INTS14: variants seen among roughly 807,000 people sequenced by gnomAD.
INTS14 encodes integrator complex subunit 14, also known as UPF0464 protein C15orf44.
A neutral mutation model predicts 56.9 loss-of-function variants in INTS14; 27 were observed. The ratio of observed to expected loss-of-function variants is 0.47; its 90% CI spans 0.35 to 0.65. The LOEUF (loss-of-function observed/expected upper bound fraction) is 0.65. INTS14 is among the 30% of genes least tolerant of loss of function. INTS14 has a pLI of 0.00. For synonymous variants in INTS14, 207 were observed against 236.2 expected (o/e 0.88, Z 1.13); for missense variants, 517 against 632.2 (o/e 0.82, Z 1.95).
intron 1 of INTS14, among the ~76,000 whole-genome samples, chr15:65,609,541 A>C (rs1475552470): frequency 1.3e-5 from 2 of 152,226 alleles, no homozygotes; most frequent in Admixed American, 1.3e-4. Flanking sequence ...ACTGGCACAT[A>C]GTAGGTGCCC....
In INTS14 at chr15:65,579,631, A is replaced by G; in HGVS notation, c.1334T>C (p.Leu445Pro). 1 of 1,614,032 alleles carries G rather than the reference A, an allele frequency of 6.2e-7. No individual in the cohort carries two copies. The highest frequency in any genetic ancestry group is 1.7e-5 in the Admixed American group (1 of 60,030). The change falls in exon 12 of 12, where the codon CTA becomes CCA. Residue 445 changes from leucine (L) to proline (P), a missense_variant. Leu to Pro is a moderately conservative substitution (Grantham distance 98). Transcript: ENST00000313182. The stretch of plus-strand genomic sequence containing the variant: ...CAGCAGGTCCAGGAAACCAAAGGCT[A>G]GAGCGGCCTTTCGCAAACGGTTCAG... The part of the protein sequence containing the change: ...KELNRLRKAA[L>P]AFGFLDLLKG...
intron 10 of INTS14, among the ~76,000 whole-genome samples, chr15:65,582,822 T>C (rs1000860968): frequency 1.3e-5 from 2 of 152,060 alleles, no homozygotes; most frequent in Admixed American, 6.6e-5. Flanking sequence ...GATCATAATA[T>C]CCAGAATATA....
chr15:65,599,063 A>G lies in INTS14; in HGVS notation c.487-73T>C, dbSNP rs936898200. ...AGATTATTCTCAGCTCACCAAGGTC[A>G]AAGCCATTACGATAACATAGGCAAT... On this transcript the variant is annotated intron_variant, in intron 4 of 11. Transcript: ENST00000313182. 48 of 1,071,174 alleles carry G rather than the reference A, an allele frequency of 4.5e-5. 1 individual carries two copies. Among genetic ancestry groups the G allele is most frequent in the Admixed American group, 2.2e-5 (1 of 44,452 alleles). 66.4% of individuals were successfully genotyped at this position (1,071,174 alleles called of 1,614,324 possible). A position where few individuals can be genotyped will look rare whatever the true frequency, so the allele number is the denominator to read the frequency against.
intron 3 of INTS14, among the ~76,000 whole-genome samples, chr15:65,603,168 T>G (rs2141315703): frequency 6.6e-6 from 1 of 152,342 alleles, no homozygotes; most frequent in South Asian, 2.1e-4. Flanking sequence ...AAAAGCTTTT[T>G]TATTTCAGAA....
chr15:65,592,720 A>G (rs2073072828), intron 8 of INTS14, among the ~76,000 whole-genome samples: 1 of 152,154 alleles, frequency 6.6e-6, no homozygotes, highest in African/African-American at 2.4e-5. Context: ...CACATAATAA[A>G]ATGCTCAATG....
intron 11 of INTS14, among the ~76,000 whole-genome samples, chr15:65,581,243 G>A (rs1302563690): frequency 6.6e-6 from 1 of 150,942 alleles, no homozygotes; most frequent in Non-Finnish European, 1.5e-5. Context: ...AGCCGGGCAT[G>A]GTGGCACACA....
chr15:65,607,414 GCAAA>G lies in INTS14; in HGVS notation c.-38_-35del. On this transcript the variant is annotated 5_prime_UTR_variant, in exon 2 of 12. Coordinates refer to ENST00000313182, the MANE Select transcript of INTS14 (RefSeq NM_001394796.1). The stretch of plus-strand genomic sequence containing the variant: ...TGATCCCAGTGTTCCCAATCAGAAT[GCAAA>G]CAGACAGCTATAAACGAAGAAATGC... 1.9e-6 allele frequency: 3 copies of G among 1,612,524 alleles called. No homozygotes were observed. Among genetic ancestry groups the G allele is most frequent in the Admixed American group, 3.3e-5 (2 of 59,862 alleles).
Position 65,579,643 on chromosome 15 carries a change from C to T in INTS14, c.1322G>A (p.Arg441Gln), listed in dbSNP as rs147457039. The change falls in exon 12 of 12, where the codon CGA becomes CAA. Residue 441 changes from arginine to glutamine, a missense_variant. Transcript: ENST00000313182. ...GAAACCAAAGGCTAGAGCGGCCTTTCGCAAACGGTTCAGCTCCTGAAACAA... is the reference window on the plus strand; with the variant it reads ...GAAACCAAAGGCTAGAGCGGCCTTTTGCAAACGGTTCAGCTCCTGAAACAA... The part of the protein sequence containing the change: ...QTFYKELNRL[R>Q]KAALAFGFLD... 802 of 1,613,784 alleles carry T rather than the reference C, an allele frequency of 5.0e-4. No homozygotes were observed. Among genetic ancestry groups the T allele is most frequent in the Non-Finnish European group, 6.4e-4 (757 of 1,179,738 alleles).
At chr15:65,597,824 G>C (rs1221369058) in intron 6 of INTS14, among the ~76,000 whole-genome samples, 3 of 152,150 alleles carry the variant, frequency 2.0e-5, no homozygotes, top group African/African-American at 7.2e-5. Flanking sequence ...ATACGGCTAT[G>C]ATTTCCAACT....
intron 1 of INTS14, among the ~76,000 whole-genome samples, chr15:65,610,444 C>T (rs980108726): frequency 2.6e-5 from 4 of 151,940 alleles, no homozygotes; most frequent in Non-Finnish European, 5.9e-5. Flanking sequence ...GATTCTGAGC[C>T]CCCAAGTCTC....
intron 11 of INTS14, 80 bp from the exon 12 acceptor site, chr15:65,579,739 G>C: frequency 6.6e-7 from 1 of 1,515,440 alleles, no homozygotes; most frequent in Non-Finnish European, 8.9e-7. Context: ...CTTAGCATAA[G>C]TTCTCCTTGA....
chr15:65,579,354 C>G lies in INTS14; in HGVS notation c.*54G>C. 6.3e-7 allele frequency: 1 copy of G among 1,583,294 alleles called. No homozygotes were observed. The highest frequency in any genetic ancestry group is 8.6e-7 in the Non-Finnish European group (1 of 1,161,138). On this transcript the variant is annotated 3_prime_UTR_variant, in exon 12 of 12. Coordinates refer to ENST00000313182, the MANE Select transcript of INTS14 (RefSeq NM_001394796.1). ...GGTGAACATACTGGAAAGGTTTTTA[C>G]CTAAAGCATTTTCAGTTGAAATGAA...
At chr15:65,581,771 T>G (rs946722337) in intron 11 of INTS14, among the ~76,000 whole-genome samples, 183 bp downstream of exon 11, 9 of 151,808 alleles carry the variant, frequency 5.9e-5, no homozygotes, top group Non-Finnish European at 1.0e-4. Flanking sequence ...ATTAGGCCAT[T>G]TAAATTCTTC....
At chr15:65,600,136 C>T (rs2073375093) in intron 3 of INTS14, among the ~76,000 whole-genome samples, 1 of 151,574 alleles carries the variant, frequency 6.6e-6, no homozygotes, top group Admixed American at 6.6e-5. Flanking sequence ...GAGACCCCAT[C>T]TCTAAAAAAA....
intron 11 of INTS14, 56 bp from the exon 12 acceptor site, chr15:65,579,715 T>G (rs2141237684): frequency 6.4e-7 from 1 of 1,569,000 alleles, no homozygotes; most frequent in Non-Finnish European, 8.7e-7. Context: ...AACACATACT[T>G]TCTAAGTGCT....
In INTS14 at chr15:65,584,816, C is replaced by A; in HGVS notation, c.1193G>T (p.Ser398Ile). Reference sequence around the variant, plus strand: ...CCAGACAGTCACATTCTGGGCATAACTGCGTTTGTTTTTGGGCTGCAGGGG... The same window carrying A: ...CCAGACAGTCACATTCTGGGCATAAATGCGTTTGTTTTTGGGCTGCAGGGG... ...PFPLQPKNKR[S>I]YAQNVTVWIK... The change falls in exon 10 of 12, where the codon AGT (serine) becomes ATT (isoleucine). Residue 398 changes from serine to isoleucine, a missense_variant. Physicochemically the swap from Ser to Ile is moderately radical, Grantham distance 142. Coordinates refer to ENST00000313182, the MANE Select transcript of INTS14 (RefSeq NM_001394796.1). 2 of 1,613,564 alleles carry A rather than the reference C, an allele frequency of 1.2e-6. No homozygotes were observed. The highest frequency in any genetic ancestry group is 1.7e-6 in the Non-Finnish European group (2 of 1,179,762).
intron 1 of INTS14, among the ~76,000 whole-genome samples, chr15:65,608,855 G>A (rs1353369881): frequency 6.6e-6 from 1 of 152,136 alleles, no homozygotes; most frequent in Non-Finnish European, 1.5e-5. Flanking sequence ...GTTTAAGGAT[G>A]GTGCCCAGCT....
At chr15:65,601,956 C>CT (rs374508779) in intron 3 of INTS14, among the ~76,000 whole-genome samples, 23 of 152,320 alleles carry the variant, frequency 1.5e-4, no homozygotes, top group African/African-American at 5.3e-4. Context: ...TGGCTGACAG[C>CT]TGTAATCCCA....
chr15:65,610,816 A>C, intron 1 of INTS14: 1 of 1,534,120 alleles, frequency 6.5e-7, no homozygotes, highest in Non-Finnish European at 8.7e-7. Context: ...AGTCAAGAAA[A>C]TGTGGGATCT....
Sources: allele counts gnomAD v4.1 joint callset (sites outside exome capture counted in the v4.1 genomes callset), GRCh38; gene constraint gnomAD v4.1.1; transcripts MANE v1.5; gene names NCBI Gene and HGNC (gene_info 2026-07-23, HGNC 2026-07-21).